Variants in KIF13B observed in about 807,000 individuals in gnomAD.
KIF13B encodes kinesin family member 13B.
KIF13B carries 127 observed loss-of-function variants against 222.0 expected under a neutral mutation model. The ratio of observed to expected loss-of-function variants is 0.57; its 90% confidence interval spans 0.50 to 0.66. The LOEUF is 0.66. Ranked by LOEUF, KIF13B falls within the 30% of genes least tolerant of loss-of-function variation. KIF13B has a pLI of 0.00. For missense variants in KIF13B, 2,173 were observed against 2,379.0 expected (o/e 0.91, Z 1.80); for synonymous variants, 976 against 919.0 (o/e 1.06, Z -1.12).
At chr8:29,215,384 C>T (rs1411728030) in intron 2 of KIF13B, among the ~76,000 whole-genome samples, 3 of 152,086 alleles carry the variant, frequency 2.0e-5, no homozygotes, top group African/African-American at 7.2e-5. Flanking sequence ...TCGATCGAAC[C>T]AACTCTATAG....
chr8:29,073,261 G>C (rs1391569973), intron 38 of KIF13B, among the ~76,000 whole-genome samples: 1 of 152,130 alleles, frequency 6.6e-6, no homozygotes, highest in Non-Finnish European at 1.5e-5. Context: ...CAGGGGCTGG[G>C]GGGGCCTCGG....
At chr8:29,124,778 G>A (rs62502826) in intron 26 of KIF13B, among the ~76,000 whole-genome samples, 16,991 of 152,018 alleles carry the variant, frequency 0.11, 1,066 homozygotes, top group South Asian at 0.15. Context: ...CAGCTACTTG[G>A]GAGCTGAGGC....
intron 2 of KIF13B, among the ~76,000 whole-genome samples, chr8:29,200,583 C>G (rs1563782830): frequency 6.6e-6 from 1 of 152,212 alleles, no homozygotes; most frequent in Non-Finnish European, 1.5e-5. Context: ...TCTTATATCA[C>G]CACAGCTACA....
rs1297012294 is a variant in KIF13B at position 29,118,872 on chromosome 8, C to G, written c.3656G>C (p.Gly1219Ala). ...CCCAAGTTAGGCTTTCCTTACCTCC[C>G]CATCATGCTGCTTCACAATCTGCAA... ...FELQIVKQHD[G>A]EVKAEASWDS... The change falls in exon 30 of 40, where the codon GGG (glycine) becomes GCG (alanine). Residue 1219 changes from glycine (G) to alanine (A), a missense_variant. This residue lies in a region of KIF13B where 1,480 missense variants were observed against 1,722.8 expected (regional missense o/e 0.86). Coordinates refer to ENST00000524189, the MANE Select transcript of KIF13B (RefSeq NM_015254.4). 2 of 1,613,832 alleles carry G rather than the reference C, an allele frequency of 1.2e-6. No individual in the cohort carries two copies. The highest frequency in any genetic ancestry group is 3.3e-5 in the Admixed American group (2 of 60,002).
intron 31 of KIF13B, 40 bp downstream of exon 31, chr8:29,116,789 TCG>T: frequency 6.4e-7 from 1 of 1,559,392 alleles, no homozygotes; most frequent in Non-Finnish European, 8.7e-7. Context: ...TACCCTCAGG[TCG>T]CAACTGTGGT....
chr8:29,121,279 G>A (rs575163185), intron 29 of KIF13B, among the ~76,000 whole-genome samples: 151 of 57,056 alleles, frequency 2.6e-3, no homozygotes, highest in African/African-American at 0.01. Context: ...CAAAGCTGGA[G>A]GCATCACACT....
chr8:29,123,473 A>G lies in KIF13B; in HGVS notation c.3372T>C (p.Ala1124=), dbSNP rs1283215434. Residue 1124 remains alanine (A), a synonymous_variant, in exon 28 of 40, where the codon GCT becomes GCC. Transcript: ENST00000524189. ...VSKRDKTEDD[A]DREAQLLEMR... ...TCTCCAGAAGCTGCGCTTCACGGTC[A>G]GCATCATCCTCTGTTTTATCTAGAA... 1.2e-6 allele frequency: 2 copies of G among 1,613,954 alleles called. No homozygotes were observed. The highest frequency in any genetic ancestry group is 1.7e-6 in the Non-Finnish European group (2 of 1,179,916).
intron 1 of KIF13B, among the ~76,000 whole-genome samples, chr8:29,247,359 G>A (rs1339788940): frequency 6.6e-6 from 1 of 152,196 alleles, no homozygotes; most frequent in African/African-American, 2.4e-5. Context: ...CTGCACTACA[G>A]CCTGGGCAAA....
At chr8:29,156,898 C>T (rs919939089) in intron 13 of KIF13B, among the ~76,000 whole-genome samples, 5 of 152,022 alleles carry the variant, frequency 3.3e-5, no homozygotes, top group Admixed American at 2.0e-4. Flanking sequence ...ATGGAATAAG[C>T]GCCAAAGCTA....
intron 35 of KIF13B, among the ~76,000 whole-genome samples, chr8:29,104,724 C>T (rs1198233416): frequency 6.6e-6 from 1 of 152,018 alleles, no homozygotes; most frequent in African/African-American, 2.4e-5. Context: ...TGCCCACAGA[C>T]TCCCTCTACT....
chr8:29,198,795 A>G (rs1056427059), intron 2 of KIF13B, among the ~76,000 whole-genome samples: 3 of 152,230 alleles, frequency 2.0e-5, no homozygotes, highest in African/African-American at 7.2e-5. Flanking sequence ...GGAGGCCACT[A>G]TTCTAAATGA....
chr8:29,220,160 C>T (rs1814677196), intron 2 of KIF13B, among the ~76,000 whole-genome samples: 1 of 152,188 alleles, frequency 6.6e-6, no homozygotes, highest in African/African-American at 2.4e-5. Context: ...ACACAACTCA[C>T]TCCTTTAAAG....
chr8:29,235,321 AATCT>A (rs1428046538), intron 2 of KIF13B, among the ~76,000 whole-genome samples: 3 of 152,332 alleles, frequency 2.0e-5, no homozygotes, highest in African/African-American at 4.8e-5. Flanking sequence ...CAAGCAAGAT[AATCT>A]ATCTATCTAG....
At chr8:29,167,607 T>G (rs771606214) in intron 10 of KIF13B, 22 bp from the exon 11 acceptor site, 4 of 1,587,890 alleles carry the variant, frequency 2.5e-6, no homozygotes, top group East Asian at 2.2e-5. Context: ...AACAGAAAGT[T>G]GAGTAGCATA....
intron 3 of KIF13B, among the ~76,000 whole-genome samples, chr8:29,193,879 G>A (rs997555577): frequency 2.0e-5 from 3 of 152,174 alleles, no homozygotes; most frequent in South Asian, 4.1e-4. Context: ...GTGCAGTGGC[G>A]TGATCTCAGC....
At chr8:29,137,736 A>G (rs904904343) in intron 21 of KIF13B, among the ~76,000 whole-genome samples, 1 of 152,244 alleles carries the variant, frequency 6.6e-6, no homozygotes, top group Non-Finnish European at 1.5e-5. Flanking sequence ...TCCCACTGAA[A>G]GGAATCAGGT....
At chr8:29,087,402 CAGAA>C (rs1371142834) in intron 37 of KIF13B, among the ~76,000 whole-genome samples, 2 of 152,150 alleles carry the variant, frequency 1.3e-5, no homozygotes, top group East Asian at 1.9e-4. Context: ...AAAAATTACT[CAGAA>C]AGATCTTGAT....
intron 31 of KIF13B, among the ~76,000 whole-genome samples, chr8:29,115,412 C>T (rs182676241): frequency 2.7e-3 from 415 of 151,826 alleles, no homozygotes; most frequent in African/African-American, 9.6e-3. Context: ...CCGCAACCTC[C>T]GCCTCCCGGG....
At chr8:29,085,849 CAAAAAAAA>C (rs752162185) in intron 37 of KIF13B, among the ~76,000 whole-genome samples, 22 of 67,362 alleles carry the variant, frequency 3.3e-4, no homozygotes, top group African/African-American at 8.2e-4. Flanking sequence ...GAGCCCGTAA[CAAAAAAAA>C]AAAAAAAAAA....
Sources: gnomAD v4.1 joint callset for allele counts (sites outside exome capture counted in the v4.1 genomes callset) on GRCh38, gnomAD v4.1.1 for gene constraint, gnomAD v4.1.1 regional missense constraint, MANE v1.5 for transcripts, NCBI Gene and HGNC (gene_info 2026-07-23, HGNC 2026-07-21) for gene names.